The following CYFIP1 variants were observed in gnomAD, a reference collection of about 807,000 sequenced individuals.
CYFIP1 encodes cytoplasmic FMR1-interacting protein 1.
In CYFIP1, 58 loss-of-function variants were observed where a neutral mutation model predicts 163.5. That is an observed-to-expected ratio of 0.35 (90% CI 0.29 to 0.44). The LOEUF (loss-of-function observed/expected upper bound fraction) is 0.44. Among genes scored for constraint, CYFIP1 ranks in the 20% least tolerant of loss-of-function variants. The pLI is 1.00. For missense variants in CYFIP1, 1,338 were observed against 1,653.8 expected, an observed-to-expected ratio of 0.81 and a Z score of 3.31; for synonymous variants, 663 against 660.7, an observed-to-expected ratio of 1.00 and a Z score of -0.05.
chr15:22,961,347 C>T (rs1447627203), intron 1 of CYFIP1, among the ~76,000 whole-genome samples: 3 of 151,990 alleles, frequency 2.0e-5, no homozygotes, highest in Admixed American at 6.6e-5. Context: ...TGTATTATCA[C>T]TGAGATGAAA....
rs941708967 is a variant in CYFIP1 at position 22,868,047 on chromosome 15, C to T, written c.*1981G>A. 1.3e-5 allele frequency: 2 copies of T among 152,248 alleles called. No homozygotes were observed. The highest frequency in any genetic ancestry group is 2.9e-5 in the Non-Finnish European group (2 of 68,046). The allele number at this position is 152,248 out of a possible 1,614,324, so 9.4% of individuals were successfully genotyped here. A position where few individuals can be genotyped will look rare whatever the true frequency, so the allele number is the denominator to read the frequency against. ...TGTTCGCCTGTTCCAGCCTGTGGCTCCTGCCTGGAGGTTACCCAGTGGTGC... is the reference window on the plus strand; with the variant it reads ...TGTTCGCCTGTTCCAGCCTGTGGCTTCTGCCTGGAGGTTACCCAGTGGTGC... On this transcript the variant is annotated 3_prime_UTR_variant, in exon 31 of 31. Coordinates refer to ENST00000617928, the MANE Select transcript of CYFIP1 (RefSeq NM_014608.6).
In CYFIP1 at chr15:22,904,014, G is replaced by A. The variant is rs567899391; in HGVS notation, c.2389-109C>T. 8.6e-5 allele frequency: 86 copies of A among 1,002,900 alleles called. No individual in the cohort carries two copies. The African/African-American group carries it at 1.1e-3, about 12-fold the overall frequency. The allele number at this position is 1,002,900 out of a possible 1,614,324, so 62.1% of individuals were successfully genotyped here. ...CTCACAGTCCCTGGCAGGGCTGCAC[G>A]GAGGCAGCCCCCAGTGAGCGTAGGC... On this transcript the variant is annotated intron_variant, in intron 21 of 30. Transcript: ENST00000617928.
chr15:22,910,090 A>G (rs2060732885), intron 20 of CYFIP1, among the ~76,000 whole-genome samples: 1 of 152,192 alleles, frequency 6.6e-6, no homozygotes, highest in Non-Finnish European at 1.5e-5. Flanking sequence ...AACAATTTAT[A>G]AGGACGTTCA....
chr15:22,976,214 G>C (rs2063272177), intron 1 of CYFIP1, among the ~76,000 whole-genome samples: 1 of 151,726 alleles, frequency 6.6e-6, no homozygotes, highest in Admixed American at 6.6e-5. Flanking sequence ...CTGGACTGCA[G>C]TGGCGCGATC....
At chr15:22,906,109 A>ATT (rs920669287) in intron 21 of CYFIP1, among the ~76,000 whole-genome samples, 16 of 137,270 alleles carry the variant, frequency 1.2e-4, no homozygotes, top group African/African-American at 4.3e-4. Context: ...TTCTCGATTT[A>ATT]TTTTTTTTTT....
intron 25 of CYFIP1, among the ~76,000 whole-genome samples, 169 bp from the exon 26 acceptor site, chr15:22,880,212 C>T (rs1024037418): frequency 3.9e-5 from 6 of 152,206 alleles, no homozygotes; most frequent in East Asian, 1.9e-4. Context: ...GTGGTTTATT[C>T]GCCACCTGGG....
chr15:22,949,283 C>T (rs977705578), intron 1 of CYFIP1, among the ~76,000 whole-genome samples: 1 of 80,720 alleles, frequency 1.2e-5, no homozygotes, highest in Admixed American at 1.2e-4. Context: ...AAAGCGGGGA[C>T]CAGGCGGGCC....
chr15:22,908,085 T>C (rs1253983752), intron 21 of CYFIP1, among the ~76,000 whole-genome samples: 1 of 152,186 alleles, frequency 6.6e-6, no homozygotes, highest in East Asian at 1.9e-4. Flanking sequence ...TTCCTTAGTC[T>C]TGCCTCTTCC....
chr15:22,952,422 G>T (rs749602374), intron 1 of CYFIP1, among the ~76,000 whole-genome samples: 1 of 152,040 alleles, frequency 6.6e-6, no homozygotes, highest in African/African-American at 2.4e-5. Flanking sequence ...TCAGGAGGCC[G>T]AGGCGGGCGA....
intron 1 of CYFIP1, among the ~76,000 whole-genome samples, chr15:22,963,116 G>A (rs1567037433): frequency 6.6e-6 from 1 of 152,204 alleles, no homozygotes; most frequent in East Asian, 1.9e-4. Flanking sequence ...GTGTCTAGAG[G>A]TAAAGGGCCT....
intron 1 of CYFIP1, among the ~76,000 whole-genome samples, chr15:22,963,541 T>TAACA (rs1595717388): frequency 2.1e-5 from 3 of 140,338 alleles, no homozygotes; most frequent in African/African-American, 8.0e-5. Flanking sequence ...TAACATAACA[T>TAACA]AACATAACAT....
intron 1 of CYFIP1, chr15:22,951,548 C>T: frequency 3.1e-6 from 4 of 1,287,392 alleles, no homozygotes; most frequent in Non-Finnish European, 4.0e-6. Context: ...GCGACTCCAG[C>T]CCAGAGTCCC....
intron 17 of CYFIP1, among the ~76,000 whole-genome samples, chr15:22,913,560 G>GAAAAA (rs1287030177): frequency 3.1e-5 from 1 of 32,264 alleles, no homozygotes; most frequent in Non-Finnish European, 6.2e-5. Flanking sequence ...AAGAAAGAAA[G>GAAAAA]AAAAAAAAGA....
chr15:22,902,877 C>T (rs1358896565), intron 22 of CYFIP1, among the ~76,000 whole-genome samples: 2 of 152,332 alleles, frequency 1.3e-5, no homozygotes, highest in East Asian at 3.9e-4. Flanking sequence ...GCAGCTGCGC[C>T]TCTCCTCTCT....
At chr15:22,890,526 T>A (rs1469006377) in intron 23 of CYFIP1, among the ~76,000 whole-genome samples, 1 of 152,142 alleles carries the variant, frequency 6.6e-6, no homozygotes, top group Non-Finnish European at 1.5e-5. Context: ...GGCGCCTGGG[T>A]ACCTGTCTGG....
intron 1 of CYFIP1, among the ~76,000 whole-genome samples, chr15:22,973,664 A>C (rs1487580785): frequency 6.6e-6 from 1 of 152,144 alleles, no homozygotes; most frequent in Non-Finnish European, 1.5e-5. Flanking sequence ...TATTTTGAGG[A>C]AATAAAGCCT....
In CYFIP1 at chr15:22,916,937, C is replaced by T. The variant is rs147270243; in HGVS notation, c.1675-307G>A. The T allele has an allele frequency of 3.7e-4, 572 of 1,551,706 alleles. 2 individuals are homozygous for T. In the African/African-American group the frequency reaches 6.8e-3, roughly 18 times the overall value. On this transcript the variant is annotated intron_variant, in intron 15 of 30. Transcript: ENST00000617928. ...ACGACTGCCTCAGAAACGTGTTAAC[C>T]GCATGCAAGAGCCTCTCCATGCCCA...
At chr15:22,980,119 C>A (rs1445101163) in intron 1 of CYFIP1, among the ~76,000 whole-genome samples, 168 bp downstream of exon 1, 3 of 133,142 alleles carry the variant, frequency 2.3e-5, no homozygotes, top group Non-Finnish European at 1.5e-5. Context: ...GACGCGGGGA[C>A]CAGGACGATC....
chr15:22,938,683 C>T (rs1269464637), intron 8 of CYFIP1, among the ~76,000 whole-genome samples: 8 of 150,616 alleles, frequency 5.3e-5, no homozygotes, highest in Non-Finnish European at 7.4e-5. Context: ...CAGGAGGGTC[C>T]CTTGAGCCCA....
Sources: allele counts gnomAD v4.1 joint callset (sites outside exome capture counted in the v4.1 genomes callset), GRCh38; gene constraint gnomAD v4.1.1; transcripts MANE v1.5; gene names NCBI Gene and HGNC (gene_info 2026-07-23, HGNC 2026-07-21).